Variants in LIMS2 observed in about 807,000 individuals in gnomAD.
LIMS2 encodes LIM and senescent cell antigen-like-containing domain protein 2.
LIMS2 carries 30 observed loss-of-function variants against 45.3 expected under a neutral mutation model. The ratio of observed to expected loss-of-function variants is 0.66; its 90% CI spans 0.50 to 0.90. The LOEUF (loss-of-function observed/expected upper bound fraction) is 0.90. LIMS2 is among the 40% of genes least tolerant of loss of function. LIMS2 has a pLI of 0.00. For missense variants in LIMS2, 485 were observed against 468.7 expected, an observed-to-expected ratio of 1.03 and a Z score of -0.32; for synonymous variants, 173 against 188.0, an observed-to-expected ratio of 0.92 and a Z score of 0.65.
chr2:127,662,152 C>T (rs1052413295), intron 1 of LIMS2, among the ~76,000 whole-genome samples: 4 of 152,178 alleles, frequency 2.6e-5, no homozygotes, highest in African/African-American at 9.7e-5. Flanking sequence ...GCCCCGACGC[C>T]CCCTGTCTGT....
chr2:127,642,680 C>T lies in LIMS2; in HGVS notation c.509+243G>A. The T allele has an allele frequency of 1.9e-6, 1 of 540,340 alleles. No individual in the cohort carries two copies. Among genetic ancestry groups the T allele is most frequent in the Non-Finnish European group, 3.3e-6 (1 of 302,920 alleles). The allele number at this position is 540,340 out of a possible 1,614,324, so 33.5% of individuals were successfully genotyped here. A position where few individuals can be genotyped will look rare whatever the true frequency, so the allele number is the denominator to read the frequency against. ...TCTGCAGTCTAGGGGTCCAGCCCAC[C>T]CGCCTCCTGAGTCTCAAGTGCCCCC... On this transcript the variant is annotated intron_variant, in intron 5 of 9. Transcript: ENST00000355119. This position sits in a 1 kb window ranked among gnomAD's most constrained non-coding sequence, Gnocchi z 5.3.
At chr2:127,643,152 C>G in intron 4 of LIMS2, 80 bp from the exon 5 acceptor site, 1 of 1,444,160 alleles carries the variant, frequency 6.9e-7, no homozygotes, top group African/African-American at 1.4e-5. Context: ...GAGGCCAGAC[C>G]CCTGCAACTT....
intron 1 of LIMS2, among the ~76,000 whole-genome samples, chr2:127,660,404 C>A (rs1482672842): frequency 1.3e-5 from 2 of 152,162 alleles, no homozygotes; most frequent in African/African-American, 4.8e-5. Context: ...GTCTGCGCCA[C>A]CTTTATGAGC....
intron 1 of LIMS2, among the ~76,000 whole-genome samples, chr2:127,660,984 G>T (rs1451191257): frequency 2.0e-5 from 3 of 152,204 alleles, no homozygotes; most frequent in Non-Finnish European, 4.4e-5. Context: ...GGCTGCCCCA[G>T]CCCAAGTCAC....
chr2:127,648,286 G>A, intron 4 of LIMS2: 1 of 744,838 alleles, frequency 1.3e-6, no homozygotes, highest in Non-Finnish European at 1.6e-6. Flanking sequence ...AATCTTTTCA[G>A]GTAGGGGAAC....
At chr2:127,656,239 T>G (rs962897625) in intron 2 of LIMS2, among the ~76,000 whole-genome samples, 7 of 152,178 alleles carry the variant, frequency 4.6e-5, no homozygotes, top group African/African-American at 1.4e-4. Context: ...CTCCCAAGAT[T>G]GTTGATGATT....
chr2:127,643,448 CTG>C, intron 4 of LIMS2: 1 of 458,582 alleles, frequency 2.2e-6, no homozygotes, highest in Non-Finnish European at 4.4e-6. Context: ...ATGAGTGTCA[CTG>C]TGCCCAGCAG....
intron 4 of LIMS2, chr2:127,643,625 T>C (rs1682659627): frequency 2.2e-6 from 1 of 456,210 alleles, no homozygotes; most frequent in African/African-American, 2.0e-5. Context: ...AGAGTCTTTT[T>C]GTGAAGACCT....
intron 1 of LIMS2, 36 bp downstream of exon 1, chr2:127,674,978 C>T (rs1685442157): frequency 8.1e-7 from 1 of 1,228,446 alleles, no homozygotes; most frequent in East Asian, 3.2e-5. Context: ...CGCAGTCCCG[C>T]CTCCCCGGCC....
chr2:127,662,699 C>T (rs545289460), intron 1 of LIMS2, among the ~76,000 whole-genome samples: 71 of 150,814 alleles, frequency 4.7e-4, no homozygotes, highest in African/African-American at 1.6e-3. Flanking sequence ...TGCTAAATGA[C>T]GAGTTAATGG....
rs1306060775 is a variant in LIMS2, at chr2:127,642,561, AT to A, written c.509+361del. The A allele has an allele frequency of 2.8e-6, 1 of 354,880 alleles. No homozygotes were observed. The highest frequency in any genetic ancestry group is 4.4e-5 in the Admixed American group (1 of 22,834). The allele number at this position is 354,880 out of a possible 1,614,324, so 22.0% of individuals were successfully genotyped here. ...GAGGACGGGGGCTGAGGGGCTGCCT[AT>A]GCAACTCCTCTCTCCAACACCAGCA... On this transcript the variant is annotated intron_variant, in intron 5 of 9. Transcript: ENST00000355119. The surrounding 1 kb of genome is among the most constrained non-coding windows in gnomAD (Gnocchi z 5.3).
upstream of LIMS2, among the ~76,000 whole-genome samples, chr2:127,677,857 A>G (rs1044330354): frequency 1.1e-4 from 17 of 152,196 alleles, no homozygotes; most frequent in African/African-American, 4.1e-4. The surrounding 1 kb of genome is among the most constrained non-coding windows in gnomAD (Gnocchi z 5.0). Flanking sequence ...AGGCTGGTCT[A>G]TTACACCCCG....
At chr2:127,674,566 T>G in intron 1 of LIMS2, 1 of 927,354 alleles carries the variant, frequency 1.1e-6, no homozygotes, top group Non-Finnish European at 1.3e-6. Flanking sequence ...TTTAACATTT[T>G]TACCACCCCA....
chr2:127,649,157 G>GGT (rs1558878205), intron 4 of LIMS2, among the ~76,000 whole-genome samples: 39 of 73,894 alleles, frequency 5.3e-4, no homozygotes, highest in Non-Finnish European at 7.8e-4. Flanking sequence ...GTGAGAGAGA[G>GGT]AGGAAGGTAG....
chr2:127,650,805 G>A, intron 4 of LIMS2: 10 of 1,613,720 alleles, frequency 6.2e-6, no homozygotes, highest in Non-Finnish European at 8.5e-6. Flanking sequence ...AGAGCAATGT[G>A]GCCAGGAGAC....
chr2:127,641,067 C>T, intron 6 of LIMS2, 79 bp from the exon 7 acceptor site: 1 of 1,145,284 alleles, frequency 8.7e-7, no homozygotes, highest in Non-Finnish European at 1.3e-6. Context: ...CCGGGGACAA[C>T]AGTGACCCCA....
chr2:127,657,623 G>T lies in LIMS2; in HGVS notation c.12-61C>A, dbSNP rs533392740. 2.7e-6 allele frequency: 4 copies of T among 1,488,288 alleles called. No individual in the cohort carries two copies. In the East Asian group the frequency reaches 9.1e-5, roughly 34 times the overall value. The allele number at this position is 1,488,288 out of a possible 1,614,324, so 92.2% of individuals were successfully genotyped here. A position where few individuals can be genotyped will look rare whatever the true frequency, so the allele number is the denominator to read the frequency against. On this transcript the variant is annotated intron_variant, in intron 1 of 9. Coordinates refer to ENST00000355119, the MANE Select transcript of LIMS2 (RefSeq NM_001161403.3). ...GGTCAGGGGTGCAGATGGGGCACAC[G>T]CGGGGGCCTGCGCCCGACAGACACA...
At chr2:127,673,820 C>A in intron 1 of LIMS2, 3 of 1,369,196 alleles carry the variant, frequency 2.2e-6, no homozygotes, top group Non-Finnish European at 2.0e-6. Context: ...CCGCTAGAAC[C>A]CTAGGGGGTG....
chr2:127,650,679 G>T, intron 4 of LIMS2: 1 of 1,447,408 alleles, frequency 6.9e-7, no homozygotes, highest in Non-Finnish European at 9.5e-7. Context: ...TGCCTAGATC[G>T]CAAGCTCATT....
Sources: allele counts gnomAD v4.1 joint callset (sites outside exome capture counted in the v4.1 genomes callset), GRCh38; gene constraint gnomAD v4.1.1; non-coding constraint Gnocchi (gnomAD v3.1); transcripts MANE v1.5; gene names NCBI Gene and HGNC (gene_info 2026-07-23, HGNC 2026-07-21).